SPIDR: variants seen among roughly 807,000 people sequenced by gnomAD.
SPIDR encodes the protein DNA repair-scaffolding protein.
Under a neutral mutation model 104.6 loss-of-function variants are expected in SPIDR, and 93 were observed. The ratio of observed to expected loss-of-function variants is 0.89; its 90% CI spans 0.75 to 1.06. The LOEUF (loss-of-function observed/expected upper bound fraction) is 1.06. Ranked by LOEUF, SPIDR falls within the 50% of genes least tolerant of loss-of-function variation. The pLI is 0.00. For synonymous variants in SPIDR, 431 were observed against 416.9 expected (o/e 1.03, Z -0.41); for missense variants, 1,154 against 1,111.2 (o/e 1.04, Z -0.55).
chr8:47,311,164 A>G (rs1554584795), intron 5 of SPIDR, among the ~76,000 whole-genome samples: 1 of 152,228 alleles, frequency 6.6e-6, no homozygotes, highest in Non-Finnish European at 1.5e-5. Context: ...GGTAAAAAAT[A>G]CAATATTTCA....
chr8:47,725,494 C>T (rs1181894663), intron 16 of SPIDR, among the ~76,000 whole-genome samples: 5 of 152,092 alleles, frequency 3.3e-5, no homozygotes, highest in Admixed American at 1.3e-4. Context: ...TGGGTTCAAG[C>T]GATTCTCCTG....
intron 8 of SPIDR, among the ~76,000 whole-genome samples, chr8:47,483,798 C>T (rs1383972948): frequency 6.6e-6 from 1 of 152,096 alleles, no homozygotes; most frequent in Non-Finnish European, 1.5e-5. Context: ...ATCTGAAAAC[C>T]TTGGTCACCT....
chr8:47,324,873 G>A (rs1349665450), intron 5 of SPIDR, among the ~76,000 whole-genome samples: 2 of 152,222 alleles, frequency 1.3e-5, no homozygotes, highest in Non-Finnish European at 2.9e-5. Context: ...CTGGAAGATC[G>A]TCTGGGACAA....
chr8:47,512,088 C>T lies in SPIDR; in HGVS notation c.1097+71546C>T, dbSNP rs1008054478. ...CGAGGAAGAAGCAGGCCCGGTCCTG[C>T]TCAGTGCCCATCACCACCACGAACT... On this transcript the variant is annotated intron_variant, in intron 8 of 19. Transcript: ENST00000297423. 6 of 571,060 alleles carry T rather than the reference C, an allele frequency of 1.1e-5. No homozygotes were observed. In the African/African-American group the frequency reaches 1.1e-4, roughly 11 times the overall value. The allele number at this position is 571,060 out of a possible 1,614,324, so 35.4% of individuals were successfully genotyped here. A position where few individuals can be genotyped will look rare whatever the true frequency, so the allele number is the denominator to read the frequency against.
At chr8:47,571,170 T>C (rs995750678) in intron 8 of SPIDR, among the ~76,000 whole-genome samples, 1 of 152,092 alleles carries the variant, frequency 6.6e-6, no homozygotes, top group African/African-American at 2.4e-5. Flanking sequence ...TGGAGAGATA[T>C]TAGTTAAGGG....
chr8:47,701,425 C>A (rs1432030633), intron 12 of SPIDR, among the ~76,000 whole-genome samples: 1 of 151,850 alleles, frequency 6.6e-6, no homozygotes, highest in Non-Finnish European at 1.5e-5. Context: ...GCAACTCTGT[C>A]TCAAAAAAAA....
chr8:47,341,963 T>G (rs1278799915), intron 5 of SPIDR, among the ~76,000 whole-genome samples: 1 of 152,192 alleles, frequency 6.6e-6, no homozygotes, highest in Non-Finnish European at 1.5e-5. Flanking sequence ...CACCAATGTA[T>G]TTGCTGCAGC....
At chr8:47,658,029 C>CAAAAAAAAA (rs34648437) in intron 10 of SPIDR, among the ~76,000 whole-genome samples, 2 of 76,040 alleles carry the variant, frequency 2.6e-5, no homozygotes, top group Non-Finnish European at 4.9e-5. Flanking sequence ...GACCCTGTCT[C>CAAAAAAAAA]AAAAAAAAAA....
chr8:47,698,659 G>A (rs990337546), intron 11 of SPIDR, among the ~76,000 whole-genome samples: 2 of 152,216 alleles, frequency 1.3e-5, no homozygotes, highest in African/African-American at 2.4e-5. Flanking sequence ...TCCTATGGCT[G>A]TGTGCTTCTA....
intron 5 of SPIDR, among the ~76,000 whole-genome samples, chr8:47,327,768 G>A (rs1346642563): frequency 6.6e-6 from 1 of 152,060 alleles, no homozygotes; most frequent in Admixed American, 6.6e-5. Flanking sequence ...TCACCATGTT[G>A]GCCAGGCTGA....
intron 10 of SPIDR, among the ~76,000 whole-genome samples, chr8:47,625,519 G>A (rs1410575132): frequency 6.6e-6 from 1 of 152,178 alleles, no homozygotes; most frequent in Non-Finnish European, 1.5e-5. Flanking sequence ...TCCTTAAGCT[G>A]ATAAGCAACT....
chr8:47,717,657 G>T (rs1408541261), intron 16 of SPIDR, among the ~76,000 whole-genome samples: 1 of 152,162 alleles, frequency 6.6e-6, no homozygotes, highest in African/African-American at 2.4e-5. Flanking sequence ...CCTCCCTGTT[G>T]GGCATTAGCT....
At chr8:47,514,788 T>C (rs1243567086) in intron 8 of SPIDR, among the ~76,000 whole-genome samples, 1 of 152,190 alleles carries the variant, frequency 6.6e-6, no homozygotes, top group Non-Finnish European at 1.5e-5. Flanking sequence ...AAGTTATATT[T>C]GTATGTGCTT....
At chr8:47,350,378 A>G (rs546724281) in intron 5 of SPIDR, among the ~76,000 whole-genome samples, 1 of 152,286 alleles carries the variant, frequency 6.6e-6, no homozygotes, top group African/African-American at 2.4e-5. Context: ...CAGTGGCGCA[A>G]TCTCGGCCCA....
chr8:47,613,054 G>A (rs1163336763), intron 10 of SPIDR, among the ~76,000 whole-genome samples: 3 of 152,078 alleles, frequency 2.0e-5, no homozygotes, highest in African/African-American at 7.2e-5. Context: ...TAATTCAGTG[G>A]TAGCACATTC....
Position 47,485,494 on chromosome 8 carries a change from C to T in SPIDR, c.1097+44952C>T, listed in dbSNP as rs556606369. ...CTTAAATGTCCCTGTCTGACAGCTT[C>T]GAGAGAGCAGTGGTTCTCCCAGCAC... On this transcript the variant is annotated intron_variant, in intron 8 of 19. Transcript: ENST00000297423. Among the ~76,000 whole-genome samples the T allele has an allele frequency of 5.9e-4, 90 of 152,324 alleles. 2 individuals carry two copies. The highest frequency in any genetic ancestry group is 3.7e-3 in the Admixed American group (57 of 15,306).
intron 5 of SPIDR, among the ~76,000 whole-genome samples, chr8:47,327,276 T>G (rs1554600855): frequency 6.6e-6 from 1 of 152,180 alleles, no homozygotes; most frequent in East Asian, 1.9e-4. Context: ...AGTTTTTTGT[T>G]GATTTCTTTT....
chr8:47,491,020 A>G (rs1380093069), intron 8 of SPIDR, among the ~76,000 whole-genome samples: 1 of 152,088 alleles, frequency 6.6e-6, no homozygotes, highest in Non-Finnish European at 1.5e-5. Flanking sequence ...AATCACTGAA[A>G]AAGACTTTCT....
intron 10 of SPIDR, among the ~76,000 whole-genome samples, chr8:47,623,881 T>C (rs1476494714): frequency 6.6e-6 from 1 of 152,134 alleles, no homozygotes; most frequent in African/African-American, 2.4e-5. Flanking sequence ...CTGCACCAAG[T>C]GGAACTAATA....
Sources: allele counts gnomAD v4.1 joint callset (sites outside exome capture counted in the v4.1 genomes callset), GRCh38; gene constraint gnomAD v4.1.1; transcripts MANE v1.5; gene names NCBI Gene and HGNC (gene_info 2026-07-23, HGNC 2026-07-21).